HOOK1: variants seen among roughly 807,000 people sequenced by gnomAD.
HOOK1 encodes protein Hook homolog 1.
Under a neutral mutation model 112.8 loss-of-function variants are expected in HOOK1, and 60 were observed. That is an observed-to-expected ratio of 0.53 (90% CI 0.43 to 0.66). The LOEUF (loss-of-function observed/expected upper bound fraction) is 0.66. HOOK1 is among the 30% of genes least tolerant of loss of function. HOOK1 has a pLI of 0.00. For missense variants in HOOK1, 770 were observed against 856.0 expected (o/e 0.90, Z 1.25); for synonymous variants, 294 against 283.8 (o/e 1.04, Z -0.36).
chr1:59,866,248 T>C (rs566089524), intron 19 of HOOK1, among the ~76,000 whole-genome samples: 1 of 152,338 alleles, frequency 6.6e-6, no homozygotes, highest in South Asian at 2.1e-4. Flanking sequence ...GTATGGAATC[T>C]TTAGTTCTTG....
chr1:59,866,984 T>C (rs1643978456), intron 19 of HOOK1, among the ~76,000 whole-genome samples: 1 of 152,220 alleles, frequency 6.6e-6, no homozygotes, highest in African/African-American at 2.4e-5. Context: ...AGATGCCTGA[T>C]ATGTATTTCT....
At chr1:59,832,926 C>T (rs928414805) in intron 4 of HOOK1, among the ~76,000 whole-genome samples, 6 of 151,830 alleles carry the variant, frequency 4.0e-5, no homozygotes, top group African/African-American at 1.5e-4. Context: ...CCCTTTTAAT[C>T]AGCTAAAAAA....
intron 1 of HOOK1, among the ~76,000 whole-genome samples, chr1:59,817,453 C>G (rs1274909452): frequency 1.3e-5 from 2 of 151,968 alleles, no homozygotes; most frequent in African/African-American, 4.8e-5. Flanking sequence ...TTCTTTACCT[C>G]TTTAGATGAT....
rs768846867 is a variant in HOOK1 at position 59,871,070 on chromosome 1, A to G, written c.1976A>G (p.Asp659Gly). The G allele has an allele frequency of 6.2e-7, 1 of 1,612,014 alleles. No individual in the cohort carries two copies. ...ESECKVAKFR[D>G]YEEKLIVSAW... ...GAATGCAAAGTAGCAAAATTCCGTG[A>G]TTATGAAGAAAAACTCATTGTTTCT... is the stretch of plus-strand genomic sequence containing the variant. The change falls in exon 21 of 22, where the codon GAT (aspartate) becomes GGT (glycine). Residue 659 changes from aspartate (D) to glycine (G), a missense_variant. Asp to Gly is a moderately conservative substitution (Grantham distance 94). Transcript: ENST00000371208.
At chr1:59,856,498 T>C (rs1057488251) in intron 12 of HOOK1, among the ~76,000 whole-genome samples, 1 of 151,858 alleles carries the variant, frequency 6.6e-6, no homozygotes, top group Non-Finnish European at 1.5e-5. Flanking sequence ...ACCCTGTGTA[T>C]AGGCTATTCT....
chr1:59,824,575 T>C (rs934716757), intron 2 of HOOK1, among the ~76,000 whole-genome samples: 1 of 152,160 alleles, frequency 6.6e-6, no homozygotes, highest in Admixed American at 6.5e-5. Context: ...ACATCAAAAT[T>C]GTTACTGAAG....
At chr1:59,824,449 G>T (rs192131887) in intron 2 of HOOK1, among the ~76,000 whole-genome samples, 40 of 152,120 alleles carry the variant, frequency 2.6e-4, no homozygotes, top group African/African-American at 9.4e-4. Flanking sequence ...CTCATGATCC[G>T]CCCACCTTGG....
chr1:59,846,547 C>CTTCT (rs2098403927), intron 9 of HOOK1, among the ~76,000 whole-genome samples: 3 of 37,496 alleles, frequency 8.0e-5, no homozygotes, highest in African/African-American at 3.7e-4. Context: ...TCCTTCCTTC[C>CTTCT]TTCCTTCCTT....
At chr1:59,826,569 C>T (rs1222846053) in intron 2 of HOOK1, among the ~76,000 whole-genome samples, 2 of 152,126 alleles carry the variant, frequency 1.3e-5, no homozygotes, top group African/African-American at 2.4e-5. Flanking sequence ...CTTGGAAAAA[C>T]TAGAGAAAAA....
At chr1:59,854,001 AATATATATATAT>A (rs71046347) in intron 12 of HOOK1, among the ~76,000 whole-genome samples, 561 of 25,662 alleles carry the variant, frequency 0.022, 16 homozygotes, top group African/African-American at 0.041. Context: ...ATTAATCTTA[AATATATATATAT>A]ATATATATAT....
At chr1:59,837,477 C>T (rs1055993477) in intron 7 of HOOK1, among the ~76,000 whole-genome samples, 4 of 152,058 alleles carry the variant, frequency 2.6e-5, no homozygotes, top group Admixed American at 2.0e-4. Flanking sequence ...TGAGTGTCGC[C>T]AGTCATCTCA....
intron 4 of HOOK1, among the ~76,000 whole-genome samples, chr1:59,832,521 T>C (rs1281802675): frequency 6.6e-6 from 1 of 152,118 alleles, no homozygotes; most frequent in Non-Finnish European, 1.5e-5. Context: ...ATTGAAATAA[T>C]TTTCTATTTA....
chr1:59,832,214 G>T lies in HOOK1; in HGVS notation c.273+1G>T. On this transcript the variant is annotated splice_donor_variant, in intron 4 of 21. Coordinates refer to ENST00000371208, the MANE Select transcript of HOOK1 (RefSeq NM_015888.6). LOFTEE classifies it high-confidence loss of function. ...AGGAATTATGAGTTATTATCATGAG[G>T]TATGAAAACCATCTGACTTTGTTTA... 6.5e-7 allele frequency: 1 copy of T among 1,548,122 alleles called. No homozygotes were observed. The highest frequency in any genetic ancestry group is 8.8e-7 in the Non-Finnish European group (1 of 1,137,612).
chr1:59,849,244 T>TG, intron 12 of HOOK1, 61 bp downstream of exon 12: 1 of 1,124,274 alleles, frequency 8.9e-7, no homozygotes. Flanking sequence ...GTAATGCCCT[T>TG]GCTGTTTCTA....
At chr1:59,829,600 G>T (rs1456646964) in intron 3 of HOOK1, among the ~76,000 whole-genome samples, 3 of 151,992 alleles carry the variant, frequency 2.0e-5, no homozygotes, top group Non-Finnish European at 2.9e-5. Flanking sequence ...GCTAATAACT[G>T]ATCTTTAATG....
intron 12 of HOOK1, among the ~76,000 whole-genome samples, chr1:59,849,405 C>G (rs775201189): frequency 6.6e-6 from 1 of 151,474 alleles, no homozygotes; most frequent in South Asian, 2.1e-4. Context: ...TCATAAGTCT[C>G]AATGAATATT....
chr1:59,871,579 C>G (rs755630461), intron 21 of HOOK1, among the ~76,000 whole-genome samples: 2 of 152,112 alleles, frequency 1.3e-5, no homozygotes, highest in African/African-American at 2.4e-5. Context: ...AGGGGTTACT[C>G]TTCCTATTTG....
intron 1 of HOOK1, among the ~76,000 whole-genome samples, chr1:59,819,986 C>T (rs1420343490): frequency 1.3e-5 from 2 of 152,154 alleles, no homozygotes; most frequent in African/African-American, 2.4e-5. Context: ...TTGCAGGAAC[C>T]TTCTAACTGG....
intron 20 of HOOK1, among the ~76,000 whole-genome samples, chr1:59,868,658 A>G (rs943855767): frequency 6.6e-6 from 1 of 152,240 alleles, no homozygotes; most frequent in East Asian, 1.9e-4. Context: ...TTATGCAAAT[A>G]TGATTTCATC....
Sources: gnomAD v4.1 joint callset for allele counts (sites outside exome capture counted in the v4.1 genomes callset) on GRCh38, gnomAD v4.1.1 for gene constraint, MANE v1.5 for transcripts, NCBI Gene and HGNC (gene_info 2026-07-23, HGNC 2026-07-21) for gene names.